Variants in ZZZ3 observed in about 807,000 individuals in gnomAD.
ZZZ3 encodes the protein zinc finger ZZ-type containing 3, also known as ZZ-type zinc finger-containing protein 3.
Under a neutral mutation model 95.2 loss-of-function variants are expected in ZZZ3, and 22 were observed. That is an observed-to-expected ratio of 0.23 (90% CI 0.17 to 0.33). The LOEUF is 0.33. ZZZ3 is among the 10% of genes least tolerant of loss of function. ZZZ3 has a pLI of 1.00. For synonymous variants in ZZZ3, 335 were observed against 358.9 expected (o/e 0.93, Z 0.75); for missense variants, 885 against 1,066.5 (o/e 0.83, Z 2.37).
At chr1:77,604,156 CTAGAGATATTG>C (rs1461613627) in intron 5 of ZZZ3, among the ~76,000 whole-genome samples, 1 of 152,124 alleles carries the variant, frequency 6.6e-6, no homozygotes, top group Non-Finnish European at 1.5e-5. Flanking sequence ...CTAGCCTAGG[CTAGAGATATTG>C]TAGTGGGACG....
intron 1 of ZZZ3, among the ~76,000 whole-genome samples, chr1:77,664,698 A>G (rs896540746): frequency 4.6e-5 from 7 of 152,216 alleles, no homozygotes; most frequent in Non-Finnish European, 1.0e-4. Context: ...ACATTTTATA[A>G]GCACAACTGT....
intron 12 of ZZZ3, among the ~76,000 whole-genome samples, chr1:77,570,195 T>C (rs1661238745): frequency 6.6e-6 from 1 of 152,172 alleles, no homozygotes; most frequent in Admixed American, 6.5e-5. Context: ...CTCTGCCTTC[T>C]GGGTTCACAC....
chr1:77,587,607 T>C (rs1408714344), intron 5 of ZZZ3, among the ~76,000 whole-genome samples: 4 of 152,194 alleles, frequency 2.6e-5, no homozygotes, highest in African/African-American at 7.2e-5. Context: ...GTACTACTCC[T>C]TCTGGGCTGA....
At chr1:77,567,840 AAG>A (rs1246917876) in intron 13 of ZZZ3, among the ~76,000 whole-genome samples, 1 of 152,198 alleles carries the variant, frequency 6.6e-6, no homozygotes, top group Non-Finnish European at 1.5e-5. Flanking sequence ...CAGCAACAAA[AAG>A]AGAAACGGCT....
Position 77,639,500 on chromosome 1 carries a change from T to A in ZZZ3, c.-103A>T. On this transcript the variant is annotated 5_prime_UTR_variant, in exon 4 of 15. Coordinates refer to ENST00000370801, the MANE Select transcript of ZZZ3 (RefSeq NM_015534.6). ...GGAAATATAATCTCTTTTCCTTATA[T>A]CCTGAAGGAGTTGGAGCTATGATCT... 1 of 1,488,984 alleles carries A rather than the reference T, an allele frequency of 6.7e-7. No individual in the cohort carries two copies. The highest frequency in any genetic ancestry group is 2.6e-5 in the East Asian group (1 of 38,184). The allele number at this position is 1,488,984 out of a possible 1,614,324, so 92.2% of individuals were successfully genotyped here.
chr1:77,614,627 A>C (rs1180585970), intron 5 of ZZZ3, among the ~76,000 whole-genome samples: 1 of 152,162 alleles, frequency 6.6e-6, no homozygotes. Flanking sequence ...TAATCCTAAC[A>C]CTATATATCA....
intron 5 of ZZZ3, among the ~76,000 whole-genome samples, chr1:77,609,294 GGTCAC>G (rs763776793): frequency 1.3e-5 from 2 of 152,034 alleles, no homozygotes; most frequent in Non-Finnish European, 2.9e-5. Context: ...AGACAAAGAA[GGTCAC>G]TATGTAATGA....
intron 1 of ZZZ3, among the ~76,000 whole-genome samples, chr1:77,653,328 G>A (rs278835): frequency 0.99 from 151,576 of 152,356 alleles, 75,403 homozygotes; most frequent in Middle Eastern, 1. Flanking sequence ...TTCTTTTTAG[G>A]GTGATGCAAG....
intron 4 of ZZZ3, among the ~76,000 whole-genome samples, chr1:77,635,532 G>A (rs1338684385): frequency 6.6e-6 from 1 of 152,104 alleles, no homozygotes; most frequent in African/African-American, 2.4e-5. Flanking sequence ...TTCTTTCATG[G>A]GTAACAAACA....
chr1:77,656,942 T>C (rs1451099081), intron 1 of ZZZ3, among the ~76,000 whole-genome samples: 3 of 152,192 alleles, frequency 2.0e-5, no homozygotes, highest in Non-Finnish European at 4.4e-5. Flanking sequence ...CATATCCTTG[T>C]TTTATCTGTA....
chr1:77,574,163 T>C lies in ZZZ3; in HGVS notation c.2331+1905A>G, dbSNP rs986414871. Among the ~76,000 whole-genome samples, 3 of 148,096 alleles carry C rather than the reference T, an allele frequency of 2.0e-5. No homozygotes were observed. The South Asian group carries it at 6.3e-4, about 31-fold the overall frequency. On this transcript the variant is annotated intron_variant, in intron 12 of 14. Transcript: ENST00000370801. ...ATATAGATATATATAGATTTATATA[T>C]AGATATATATAGATTTATATAGATA... is the stretch of plus-strand genomic sequence containing the variant.
chr1:77,661,397 G>C (rs1482705429), intron 1 of ZZZ3, among the ~76,000 whole-genome samples: 1 of 152,016 alleles, frequency 6.6e-6, no homozygotes, highest in East Asian at 1.9e-4. Context: ...TGGGCAACAA[G>C]AGCAAAACTC....
intron 5 of ZZZ3, among the ~76,000 whole-genome samples, chr1:77,625,764 C>T (rs1188029158): frequency 4.0e-5 from 6 of 151,014 alleles, no homozygotes; most frequent in African/African-American, 7.3e-5. Flanking sequence ...CTGAGGGGGG[C>T]GGATCACTTG....
At chr1:77,572,576 G>A (rs1432027432) in intron 12 of ZZZ3, among the ~76,000 whole-genome samples, 1 of 152,082 alleles carries the variant, frequency 6.6e-6, no homozygotes, top group African/African-American at 2.4e-5. Context: ...CTGACCTCAT[G>A]ATTCATCTGC....
At chr1:77,619,256 A>G (rs1221665600) in intron 5 of ZZZ3, among the ~76,000 whole-genome samples, 2 of 152,206 alleles carry the variant, frequency 1.3e-5, no homozygotes, top group African/African-American at 4.8e-5. Flanking sequence ...AACAAACAAC[A>G]TACCTCAAAT....
At chr1:77,642,856 G>A (rs1326938347) in intron 1 of ZZZ3, among the ~76,000 whole-genome samples, 2 of 152,180 alleles carry the variant, frequency 1.3e-5, no homozygotes, top group Non-Finnish European at 2.9e-5. Context: ...TCAGTGAGAA[G>A]TTTCATTAAC....
chr1:77,683,032 C>T (rs61777122), upstream of ZZZ3, among the ~76,000 whole-genome samples: 2,656 of 148,276 alleles, frequency 0.018, 47 homozygotes, highest in South Asian at 0.065. Context: ...AAAGCCCTCC[C>T]CGCCCCCCCT....
In ZZZ3 at chr1:77,582,022, A is replaced by C. The variant is rs749382623; in HGVS notation, c.1749T>G (p.Asn583Lys). The C allele has an allele frequency of 2.2e-5, 36 of 1,611,238 alleles. No homozygotes were observed. Among genetic ancestry groups the C allele is most frequent in the Non-Finnish European group, 3.0e-5 (35 of 1,177,930 alleles). ...TAACTCTTCTAGTATGTCTTTTACGATTTTTAAATTCTCTTTCAAAATTCC... is the reference window on the plus strand; with the variant it reads ...TAACTCTTCTAGTATGTCTTTTACGCTTTTTAAATTCTCTTTCAAAATTCC... The part of the protein sequence containing the change: ...SLGNFEREFK[N>K]RKRHTRRVKL... The change falls in exon 7 of 15, where the codon AAT becomes AAG. Residue 583 changes from asparagine to lysine, a missense_variant. Physicochemically the swap from Asn to Lys is moderately conservative, Grantham distance 94. Transcript: ENST00000370801.
intron 5 of ZZZ3, among the ~76,000 whole-genome samples, chr1:77,604,063 G>A (rs1291881681): frequency 2.0e-5 from 3 of 152,142 alleles, no homozygotes; most frequent in Non-Finnish European, 2.9e-5. Flanking sequence ...AGCTACTCAG[G>A]AGGCTGAAGT....
Sources: allele counts gnomAD v4.1 joint callset (sites outside exome capture counted in the v4.1 genomes callset), GRCh38; gene constraint gnomAD v4.1.1; transcripts MANE v1.5; gene names NCBI Gene and HGNC (gene_info 2026-07-23, HGNC 2026-07-21).